CSRNP3: variants seen among roughly 807,000 people sequenced by gnomAD.
The protein encoded by CSRNP3 is cysteine and serine rich nuclear protein 3.
In CSRNP3, 12 loss-of-function variants were observed where a neutral mutation model predicts 48.0. The ratio of observed to expected loss-of-function variants is 0.25; its 90% CI spans 0.16 to 0.41. The LOEUF (loss-of-function observed/expected upper bound fraction) is 0.41. Among genes scored for constraint, CSRNP3 ranks in the 10% least tolerant of loss-of-function variants. The probability of loss-of-function intolerance (pLI) is 1.00; values close to 1 mark genes in which losing one functional copy is unlikely to be tolerated. For synonymous variants in CSRNP3, 263 were observed against 269.7 expected, an observed-to-expected ratio of 0.98 and a Z score of 0.24; for missense variants, 580 against 724.4, an observed-to-expected ratio of 0.80 and a Z score of 2.29.
At chr2:165,667,577 G>A (rs1485864643) in intron 5 of CSRNP3, among the ~76,000 whole-genome samples, 1 of 152,160 alleles carries the variant, frequency 6.6e-6, no homozygotes, top group East Asian at 1.9e-4. Flanking sequence ...GTCTGGGCCT[G>A]GAGATTCTTC....
rs1296081259 is a variant in CSRNP3 at position 165,543,153 on chromosome 2, A to G, written c.-24+25192A>G. ...AGGCCTTGGGATTTTCTTCTACTTTACTAGACCAGGTTGCCTCATCTGTCT... is the reference window on the plus strand; with the variant it reads ...AGGCCTTGGGATTTTCTTCTACTTTGCTAGACCAGGTTGCCTCATCTGTCT... On this transcript the variant is annotated intron_variant, in intron 3 of 6. Transcript: ENST00000651982. Among the ~76,000 whole-genome samples the G allele has an allele frequency of 2.0e-5, 3 of 152,108 alleles. No individual in the cohort carries two copies. In the East Asian group the frequency reaches 5.8e-4, roughly 29 times the overall value.
chr2:165,523,685 G>A lies in CSRNP3; in HGVS notation c.-24+5724G>A, dbSNP rs189531380. ...AAAGACCCCTCTCACTGGCTCTTCTGTCTCTATTCTTCCATCCAGAAAGTC... is the reference window on the plus strand; with the variant it reads ...AAAGACCCCTCTCACTGGCTCTTCTATCTCTATTCTTCCATCCAGAAAGTC... On this transcript the variant is annotated intron_variant, in intron 3 of 6. Transcript: ENST00000651982. Among the ~76,000 whole-genome samples, 7 of 152,144 alleles carry A rather than the reference G, an allele frequency of 4.6e-5. No individual in the cohort carries two copies. In the East Asian group the frequency reaches 1.4e-3, roughly 29 times the overall value.
At chr2:165,528,919 T>A in intron 3 of CSRNP3, among the ~76,000 whole-genome samples, 1 of 152,172 alleles carries the variant, frequency 6.6e-6, no homozygotes, top group Non-Finnish European at 1.5e-5. Flanking sequence ...GGTGCCACTG[T>A]AGCCACCCAA....
chr2:165,555,258 TC>T (rs1254557322), intron 3 of CSRNP3, among the ~76,000 whole-genome samples: 1 of 152,214 alleles, frequency 6.6e-6, no homozygotes, highest in Admixed American at 6.5e-5. Context: ...CCCCTTTTTC[TC>T]CCACTTCCAC....
At chr2:165,517,849 C>T (rs973228654) in intron 2 of CSRNP3, 24 bp from the exon 3 acceptor site, 2 of 152,276 alleles carry the variant, frequency 1.3e-5, no homozygotes, top group South Asian at 4.1e-4. Context: ...ACATAACATT[C>T]TGAAACGTAT....
chr2:165,514,064 TG>T (rs1304089943), intron 2 of CSRNP3, among the ~76,000 whole-genome samples: 5 of 152,250 alleles, frequency 3.3e-5, no homozygotes, highest in Non-Finnish European at 7.3e-5. Context: ...CATCTGACCC[TG>T]GGCTTCTTTA....
intron 4 of CSRNP3, among the ~76,000 whole-genome samples, chr2:165,608,702 A>T (rs1251069013): frequency 3.3e-5 from 5 of 152,012 alleles, no homozygotes; most frequent in Admixed American, 3.3e-4. Context: ...CCCACCATTA[A>T]TGTGATCCCT....
At chr2:165,674,036 TATAAA>T (rs1687379131) in intron 5 of CSRNP3, among the ~76,000 whole-genome samples, 1 of 151,904 alleles carries the variant, frequency 6.6e-6, no homozygotes, top group Admixed American at 6.6e-5. Context: ...AAATAATAAA[TATAAA>T]ATAAAATAAA....
intron 2 of CSRNP3, among the ~76,000 whole-genome samples, chr2:165,504,478 C>T (rs187441378): frequency 2.8e-4 from 42 of 152,060 alleles, no homozygotes; most frequent in African/African-American, 8.0e-4. Flanking sequence ...CTCCAGTGCC[C>T]GCACTGTTAA....
rs1687657996 is a variant in CSRNP3, at chr2:165,687,970, C to T, written c.*8217C>T. The T allele has an allele frequency of 6.6e-6, 1 of 150,460 alleles. No individual in the cohort carries two copies. Among genetic ancestry groups the T allele is most frequent in the South Asian group, 2.1e-4 (1 of 4,774 alleles). The allele number at this position is 150,460 out of a possible 1,614,324, so 9.3% of individuals were successfully genotyped here. ...TGCATATCTCCCAAACTCGGATGCTCTTGTGAAATGACAGCCACATCAGTG... is the reference window on the plus strand; with the variant it reads ...TGCATATCTCCCAAACTCGGATGCTTTTGTGAAATGACAGCCACATCAGTG... On this transcript the variant is annotated 3_prime_UTR_variant, in exon 7 of 7. Transcript: ENST00000651982.
intron 3 of CSRNP3, among the ~76,000 whole-genome samples, chr2:165,585,554 GT>G: frequency 6.6e-6 from 1 of 152,164 alleles, no homozygotes; most frequent in East Asian, 1.9e-4. Context: ...AGACACTGGT[GT>G]TTCTTGGGCC....
intron 1 of CSRNP3, among the ~76,000 whole-genome samples, chr2:165,475,494 C>T (rs1404909437): frequency 6.6e-6 from 1 of 152,218 alleles, no homozygotes; most frequent in African/African-American, 2.4e-5. Flanking sequence ...GTGGTCATGA[C>T]AGCCACTTTG....
At position 165,615,546 on chromosome 2, in the gene CSRNP3, A is replaced by G. The variant is rs539069626; in HGVS notation, c.148+20333A>G. On this transcript the variant is annotated intron_variant, in intron 4 of 6. Coordinates refer to ENST00000651982, the MANE Select transcript of CSRNP3 (RefSeq NM_001172173.2). The stretch of plus-strand genomic sequence containing the variant: ...TGACAGAGCAAGACTCCATCTAAAA[A>G]AAAAAAAAGAATTATAAAAGAATTG... 3.0e-3 allele frequency among the ~76,000 whole-genome samples: 450 copies of G among 151,548 alleles called. 4 individuals are homozygous for G. The highest frequency in any genetic ancestry group is 0.01 in the African/African-American group (429 of 41,418).
At chr2:165,505,627 A>C (rs937706043) in intron 2 of CSRNP3, among the ~76,000 whole-genome samples, 4 of 152,218 alleles carry the variant, frequency 2.6e-5, no homozygotes, top group Admixed American at 2.0e-4. Flanking sequence ...ACATGAATCA[A>C]GGAATACAAC....
At chr2:165,625,148 A>G (rs1484874189) in intron 4 of CSRNP3, among the ~76,000 whole-genome samples, 1 of 152,128 alleles carries the variant, frequency 6.6e-6, no homozygotes, top group Non-Finnish European at 1.5e-5. Flanking sequence ...CATCTGCAAA[A>G]TGGGACCAGT....
At chr2:165,625,922 AAAAAG>A (rs1292203825) in intron 4 of CSRNP3, among the ~76,000 whole-genome samples, 1 of 149,666 alleles carries the variant, frequency 6.7e-6, no homozygotes, top group Non-Finnish European at 1.5e-5. Context: ...TCAAAAAAAA[AAAAAG>A]AAAAGAAAAA....
intron 4 of CSRNP3, among the ~76,000 whole-genome samples, chr2:165,652,235 G>A (rs986308678): frequency 6.6e-6 from 1 of 151,996 alleles, no homozygotes; most frequent in African/African-American, 2.4e-5. Flanking sequence ...GTCAAGGCTG[G>A]GCACGGTGGC....
intron 3 of CSRNP3, among the ~76,000 whole-genome samples, chr2:165,589,087 T>C (rs1268295398): frequency 2.0e-5 from 3 of 152,220 alleles, no homozygotes; most frequent in African/African-American, 4.8e-5. Context: ...TATGTAGGTA[T>C]TTAAGGAGTA....
intron 3 of CSRNP3, 62 bp from the exon 4 acceptor site, chr2:165,594,981 C>T: frequency 6.7e-7 from 1 of 1,495,236 alleles, no homozygotes; most frequent in South Asian, 1.2e-5. Flanking sequence ...ACTCTGGAGA[C>T]CTTGGCTACA....
Sources: gnomAD v4.1 joint callset for allele counts (sites outside exome capture counted in the v4.1 genomes callset) on GRCh38, gnomAD v4.1.1 for gene constraint, MANE v1.5 for transcripts, NCBI Gene and HGNC (gene_info 2026-07-23, HGNC 2026-07-21) for gene names.